The following MBTD1 variants were observed in gnomAD, a reference collection of about 807,000 sequenced individuals.
MBTD1 encodes MBT domain-containing protein 1.
In MBTD1, 24 loss-of-function variants were observed where a neutral mutation model predicts 87.8. The observed-to-expected ratio is 0.27, with a 90% CI of 0.20 to 0.38. The LOEUF (loss-of-function observed/expected upper bound fraction) is 0.38. Among genes scored for constraint, MBTD1 ranks in the 10% least tolerant of loss-of-function variants. The probability of loss-of-function intolerance (pLI) is 1.00; values close to 1 mark genes in which losing one functional copy is unlikely to be tolerated. For missense variants in MBTD1, 436 were observed against 760.2 expected, an observed-to-expected ratio of 0.57 and a Z score of 5.02; for synonymous variants, 237 against 248.6, an observed-to-expected ratio of 0.95 and a Z score of 0.44.
At chr17:51,214,146 T>C (rs2052432465) in intron 6 of MBTD1, among the ~76,000 whole-genome samples, 1 of 119,542 alleles carries the variant, frequency 8.4e-6, no homozygotes, top group Non-Finnish European at 1.8e-5. Context: ...ACATACACTT[T>C]TGTAGAGACA....
Position 51,192,194 on chromosome 17 carries a change from G to A in MBTD1, c.1768+9C>T. 5 of 1,544,254 alleles carry A rather than the reference G, an allele frequency of 3.2e-6. No individual in the cohort carries two copies. The highest frequency in any genetic ancestry group is 1.7e-4 in the Middle Eastern group (1 of 5,902). On this transcript the variant is annotated intron_variant, in intron 16 of 16. Coordinates refer to ENST00000586178, the MANE Select transcript of MBTD1 (RefSeq NM_017643.3). ...AGAAAATGTATGTGAACACCACGTG[G>A]TGACCCACTTTTCTTATGTCCTTTG... is the stretch of plus-strand genomic sequence containing the variant.
upstream of MBTD1, chr17:51,260,212 TGTCAA>T (rs374934194): frequency 4.5e-4 from 183 of 407,820 alleles, no homozygotes; most frequent in African/African-American, 2.4e-3. Flanking sequence ...TTGGGGCTTG[TGTCAA>T]GTCAAGTGGT....
At chr17:51,260,592 C>T (rs769033713), upstream of MBTD1, 9 of 1,611,878 alleles carry the variant, frequency 5.6e-6, no homozygotes, top group South Asian at 1.1e-5. Context: ...ACGATGCCGC[C>T]GGAGCGGAGG....
At chr17:51,233,050 C>T (rs1290942892) in intron 2 of MBTD1, among the ~76,000 whole-genome samples, 1 of 99,858 alleles carries the variant, frequency 1.0e-5, no homozygotes, top group African/African-American at 4.0e-5. Context: ...AGAGCGAGAC[C>T]TTCCCTCACC....
At chr17:51,247,333 A>G (rs1193893009) in intron 2 of MBTD1, among the ~76,000 whole-genome samples, 1 of 152,112 alleles carries the variant, frequency 6.6e-6, no homozygotes, top group African/African-American at 2.4e-5. Flanking sequence ...TTTTTGTAAT[A>G]TAGTGTGAGA....
At chr17:51,222,808 A>AT (rs908131674) in intron 3 of MBTD1, among the ~76,000 whole-genome samples, 8 of 148,872 alleles carry the variant, frequency 5.4e-5, no homozygotes, top group East Asian at 2.1e-4. Context: ...GCTGTTCATA[A>AT]TTTTTTTTAG....
intron 2 of MBTD1, among the ~76,000 whole-genome samples, chr17:51,243,452 T>C (rs1255482716): frequency 3.3e-5 from 5 of 152,206 alleles, no homozygotes; most frequent in African/African-American, 1.2e-4. Flanking sequence ...TCTGAATAAT[T>C]TGAAAGTTAC....
chr17:51,243,648 T>A (rs1365565296), intron 2 of MBTD1, among the ~76,000 whole-genome samples: 2 of 152,132 alleles, frequency 1.3e-5, no homozygotes, highest in Non-Finnish European at 2.9e-5. Context: ...ACATAAAAAT[T>A]AAAAAGTCGT....
intron 6 of MBTD1, among the ~76,000 whole-genome samples, chr17:51,213,032 G>A (rs1339424956): frequency 2.0e-5 from 3 of 151,008 alleles, no homozygotes; most frequent in Non-Finnish European, 4.4e-5. Context: ...CTGGCCTGAA[G>A]AGCATATATT....
intron 7 of MBTD1, among the ~76,000 whole-genome samples, chr17:51,205,301 T>C (rs2051754553): frequency 6.6e-6 from 1 of 152,182 alleles, no homozygotes; most frequent in African/African-American, 2.4e-5. Flanking sequence ...ACTTCTACAA[T>C]GGCATTAAAG....
At chr17:51,239,486 C>T (rs1190931808) in intron 2 of MBTD1, among the ~76,000 whole-genome samples, 1 of 152,092 alleles carries the variant, frequency 6.6e-6, no homozygotes, top group Non-Finnish European at 1.5e-5. Context: ...CCAATTATTC[C>T]TCTCTACACG....
At chr17:51,220,609 T>A in intron 3 of MBTD1, 146 bp from the exon 4 acceptor site, 1 of 655,858 alleles carries the variant, frequency 1.5e-6, no homozygotes. Context: ...ATACAAATGA[T>A]AAAGAAGCCT....
intron 4 of MBTD1, among the ~76,000 whole-genome samples, 165 bp downstream of exon 4, chr17:51,220,165 T>C (rs546434640): frequency 6.6e-6 from 1 of 152,384 alleles, no homozygotes; most frequent in African/African-American, 2.4e-5. Flanking sequence ...TTTTCAATTT[T>C]ATAGGCTGAA....
chr17:51,187,867 A>G (rs2050616485), intron 16 of MBTD1, among the ~76,000 whole-genome samples: 1 of 42,662 alleles, frequency 2.3e-5, no homozygotes, highest in Non-Finnish European at 5.6e-5. Flanking sequence ...AGAAAGAAAG[A>G]AAAAAAAAAA....
intron 2 of MBTD1, among the ~76,000 whole-genome samples, chr17:51,243,176 C>CA (rs2054248355): frequency 6.6e-6 from 1 of 152,010 alleles, no homozygotes; most frequent in Non-Finnish European, 1.5e-5. Context: ...TCATTTGCAC[C>CA]AGCAATATTG....
At chr17:51,234,094 G>C (rs2053687703) in intron 2 of MBTD1, among the ~76,000 whole-genome samples, 1 of 151,954 alleles carries the variant, frequency 6.6e-6, no homozygotes, top group African/African-American at 2.4e-5. Flanking sequence ...TATCATAAAT[G>C]AAAGAAGTAA....
chr17:51,192,367 T>C (rs2050855239), intron 15 of MBTD1, 87 bp from the exon 16 acceptor site: 1 of 928,504 alleles, frequency 1.1e-6, no homozygotes, highest in Non-Finnish European at 1.7e-6. Flanking sequence ...ATATGAACTA[T>C]CTTTACCAAG....
At chr17:51,213,669 A>T (rs921268698) in intron 6 of MBTD1, among the ~76,000 whole-genome samples, 26 of 152,352 alleles carry the variant, frequency 1.7e-4, no homozygotes, top group African/African-American at 4.6e-4. Flanking sequence ...TAGCTGAACC[A>T]GATGATTTTA....
At chr17:51,212,450 T>C (rs1308661640) in intron 6 of MBTD1, among the ~76,000 whole-genome samples, 1 of 151,600 alleles carries the variant, frequency 6.6e-6, no homozygotes, top group Non-Finnish European at 1.5e-5. Context: ...TTTTTTTTTT[T>C]TTTTGGTACA....
Sources: gnomAD v4.1 joint callset for allele counts (sites outside exome capture counted in the v4.1 genomes callset) on GRCh38, gnomAD v4.1.1 for gene constraint, MANE v1.5 for transcripts, NCBI Gene and HGNC (gene_info 2026-07-23, HGNC 2026-07-21) for gene names.